UST: variants seen among roughly 807,000 people sequenced by gnomAD.
UST encodes the protein uronyl 2-sulfotransferase.
Under a neutral mutation model 45.6 loss-of-function variants are expected in UST, and 21 were observed. That is an observed-to-expected ratio of 0.46 (90% CI 0.33 to 0.66). The LOEUF (loss-of-function observed/expected upper bound fraction) is 0.66, where lower values mean the gene tolerates loss of function less well. Among genes scored for constraint, UST ranks in the 30% least tolerant of loss-of-function variants. The pLI is 0.02. For missense variants in UST, 463 were observed against 512.4 expected (o/e 0.90, Z 0.93); for synonymous variants, 215 against 200.6 (o/e 1.07, Z -0.61).
chr6:148,755,894 A>G (rs145803513), intron 1 of UST, among the ~76,000 whole-genome samples: 1,986 of 152,192 alleles, frequency 0.013, 47 homozygotes, highest in African/African-American at 0.045. Flanking sequence ...TCTAGGGTAC[A>G]TGTGCACAAC....
chr6:148,782,999 A>C lies in UST; in HGVS notation c.247+35322A>C, dbSNP rs190832371. ...TCTTTCGTGAAAAGAAGAGTACATC[A>C]ATGTGGCAAACTTCGTTGTTGTCTT... is the stretch of plus-strand genomic sequence containing the variant. On this transcript the variant is annotated intron_variant, in intron 1 of 7. Coordinates refer to ENST00000367463, the MANE Select transcript of UST (RefSeq NM_005715.3). Among the ~76,000 whole-genome samples, 575 of 152,316 alleles carry C rather than the reference A, an allele frequency of 3.8e-3. 2 individuals are homozygous for C. Among genetic ancestry groups the C allele is most frequent in the Non-Finnish European group, 6.0e-3 (409 of 68,032 alleles).
At chr6:149,010,610 T>C (rs528570662) in intron 5 of UST, among the ~76,000 whole-genome samples, 7 of 152,088 alleles carry the variant, frequency 4.6e-5, no homozygotes, top group Admixed American at 3.3e-4. Flanking sequence ...CTGTGACTAT[T>C]TCGGCCGGGT....
rs1554221898 is a variant in UST, at chr6:148,871,117, C to CCTTTCTCTCT, written c.248-15867_248-15866insTTCTCTCTCT. Among the ~76,000 whole-genome samples, 636 of 97,606 alleles carry CCTTTCTCTCT rather than the reference C, an allele frequency of 6.5e-3. 8 individuals are homozygous for CCTTTCTCTCT. Among genetic ancestry groups the CCTTTCTCTCT allele is most frequent in the African/African-American group, 0.028 (610 of 21,684 alleles). 64.0% of individuals were successfully genotyped at this position (97,606 alleles called of 152,430 possible). The stretch of plus-strand genomic sequence containing the variant: ...GAAGGAGACAGCCAAGCATTCTCTC[C>CCTTTCTCTCT]CTCTCTCTCTCTCTCTCTCTCTCTC... On this transcript the variant is annotated intron_variant, in intron 1 of 7. Transcript: ENST00000367463.
chr6:148,982,218 C>T (rs544244213), intron 5 of UST, among the ~76,000 whole-genome samples: 1 of 151,994 alleles, frequency 6.6e-6, no homozygotes, highest in East Asian at 1.9e-4. Context: ...CCTGCCTCAG[C>T]CCTCCAAGTA....
chr6:148,958,431 C>T (rs1230143609), intron 4 of UST, among the ~76,000 whole-genome samples: 2 of 152,178 alleles, frequency 1.3e-5, no homozygotes, highest in African/African-American at 4.8e-5. Context: ...TTGTGGAACT[C>T]CCTAGAAATT....
intron 2 of UST, among the ~76,000 whole-genome samples, chr6:148,922,897 G>A (rs980635968): frequency 5.9e-5 from 9 of 152,188 alleles, no homozygotes; most frequent in African/African-American, 2.2e-4. Flanking sequence ...GGTTCAAGCA[G>A]TTCTCATGCC....
chr6:148,791,277 A>G (rs188349842), intron 1 of UST, among the ~76,000 whole-genome samples: 91 of 152,320 alleles, frequency 6.0e-4, no homozygotes, highest in Non-Finnish European at 1.1e-3. Context: ...GCTGAGGTTG[A>G]GAAACTCTGC....
intron 3 of UST, among the ~76,000 whole-genome samples, chr6:148,951,822 T>G (rs1304415848): frequency 6.6e-6 from 1 of 152,208 alleles, no homozygotes; most frequent in Non-Finnish European, 1.5e-5. Context: ...AAAGATAACG[T>G]CTAGAAAGAG....
chr6:148,824,259 G>A (rs911218778), intron 1 of UST, among the ~76,000 whole-genome samples: 14 of 152,220 alleles, frequency 9.2e-5, no homozygotes, highest in Admixed American at 9.2e-4. Context: ...TCACAGGAAT[G>A]TGTTGGATAA....
At chr6:149,068,531 C>T (rs549030973) in intron 7 of UST, among the ~76,000 whole-genome samples, 8 of 152,320 alleles carry the variant, frequency 5.3e-5, no homozygotes, top group Admixed American at 4.6e-4. Flanking sequence ...GTCACCATCT[C>T]GCACCATATC....
At chr6:149,019,030 T>C in intron 5 of UST, 109 bp from the exon 6 acceptor site, 1 of 868,668 alleles carries the variant, frequency 1.2e-6, no homozygotes, top group Non-Finnish European at 1.9e-6. Context: ...CTTCATCTTC[T>C]CAAGGCGTGC....
At chr6:148,915,791 A>AT (rs753575128) in intron 2 of UST, among the ~76,000 whole-genome samples, 10 of 143,078 alleles carry the variant, frequency 7.0e-5, no homozygotes, top group Non-Finnish European at 9.6e-5. Flanking sequence ...TCAGTATTTG[A>AT]TAAATTTTTG....
chr6:148,985,825 A>G (rs1202645347), intron 5 of UST, among the ~76,000 whole-genome samples: 4 of 152,182 alleles, frequency 2.6e-5, no homozygotes, highest in African/African-American at 9.7e-5. Context: ...AATACTATTG[A>G]GCACATACCA....
chr6:149,028,472 A>G (rs915349688), intron 7 of UST, among the ~76,000 whole-genome samples: 31 of 152,230 alleles, frequency 2.0e-4, no homozygotes, highest in African/African-American at 7.2e-4. Context: ...TAGGTGAAAG[A>G]AAGAGGAAAA....
At chr6:148,841,605 G>A (rs931903389) in intron 1 of UST, among the ~76,000 whole-genome samples, 4 of 143,654 alleles carry the variant, frequency 2.8e-5, no homozygotes, top group Non-Finnish European at 6.0e-5. Context: ...TTTCTGTCAT[G>A]TGTTTGAATA....
chr6:149,041,870 G>C (rs1218889803), intron 7 of UST, among the ~76,000 whole-genome samples: 1 of 152,082 alleles, frequency 6.6e-6, no homozygotes, highest in African/African-American at 2.4e-5. Context: ...ACTCCCCGAG[G>C]ACCCTAATAG....
intron 3 of UST, among the ~76,000 whole-genome samples, chr6:148,953,562 C>T (rs1226362403): frequency 6.6e-6 from 1 of 152,054 alleles, no homozygotes; most frequent in African/African-American, 2.4e-5. Flanking sequence ...GCGGGCGGAT[C>T]ACGAGGTCAG....
chr6:148,802,797 T>A (rs1299038023), intron 1 of UST, among the ~76,000 whole-genome samples: 6 of 152,140 alleles, frequency 3.9e-5, no homozygotes, highest in African/African-American at 1.4e-4. Context: ...AAGAACAATT[T>A]TAGAACTGAA....
chr6:148,919,691 G>A (rs1375629269), intron 2 of UST, among the ~76,000 whole-genome samples: 2 of 152,184 alleles, frequency 1.3e-5, no homozygotes, highest in Non-Finnish European at 2.9e-5. Context: ...TGTTCTTGAT[G>A]TTTTTCTTCT....
Sources: gnomAD v4.1 joint callset for allele counts (sites outside exome capture counted in the v4.1 genomes callset) on GRCh38, gnomAD v4.1.1 for gene constraint, MANE v1.5 for transcripts, NCBI Gene and HGNC (gene_info 2026-07-23, HGNC 2026-07-21) for gene names.